Variants in GGA3 observed in about 807,000 individuals in gnomAD.
GGA3 encodes the protein ADP-ribosylation factor-binding protein GGA3.
In GGA3, 57 loss-of-function variants were observed where a neutral mutation model predicts 77.5. The observed-to-expected ratio is 0.74, with a 90% CI of 0.59 to 0.92. GGA3 has a LOEUF of 0.92. Among genes scored for constraint, GGA3 ranks in the 40% least tolerant of loss-of-function variants. GGA3 has a pLI of 0.00. For missense variants in GGA3, 970 were observed against 914.9 expected (o/e 1.06, Z -0.78); for synonymous variants, 416 against 383.7 (o/e 1.08, Z -0.98).
chr17:75,241,379 T>C (rs780119677), intron 10 of GGA3, 21 bp downstream of exon 10: 1 of 1,475,308 alleles, frequency 6.8e-7, no homozygotes, highest in South Asian at 1.1e-5. Flanking sequence ...GAGCCTAGAG[T>C]TGGGGACCAG....
chr17:75,239,200 G>A (rs1202411707), intron 14 of GGA3, 117 bp from the exon 15 acceptor site: 4 of 1,051,580 alleles, frequency 3.8e-6, no homozygotes, highest in Non-Finnish European at 5.5e-6. Flanking sequence ...CTTCCTAACG[G>A]AATCTGGGAG....
At chr17:75,242,028 C>A in intron 8 of GGA3, 1 of 542,912 alleles carries the variant, frequency 1.8e-6, no homozygotes, top group East Asian at 3.2e-5. Context: ...GGAAGCCTCT[C>A]TGTCTTGATG....
intron 4 of GGA3, 35 bp downstream of exon 4, chr17:75,244,584 A>C: frequency 2.4e-6 from 3 of 1,257,008 alleles, no homozygotes; most frequent in Non-Finnish European, 3.5e-6. Context: ...ACACAAAAGA[A>C]GTCCCTAAAA....
In GGA3 at chr17:75,240,566, G is replaced by A. The variant is rs184675878; in HGVS notation, c.1193-154C>T. The A allele has an allele frequency of 1.4e-5, 9 of 665,478 alleles. No homozygotes were observed. The East Asian group carries it at 2.2e-4, about 16-fold the overall frequency. 41.2% of individuals were successfully genotyped at this position (665,478 alleles called of 1,614,324 possible). On this transcript the variant is annotated intron_variant, in intron 11 of 16. Coordinates refer to ENST00000537686, the MANE Select transcript of GGA3 (RefSeq NM_138619.4). The stretch of plus-strand genomic sequence containing the variant: ...CAGGCAGCCTCCAGAGGGGAATGGA[G>A]CGCTCCAGTCCATGATGCAGAAGCG...
chr17:75,255,724 A>T (rs2077128250), intron 1 of GGA3, among the ~76,000 whole-genome samples: 1 of 152,220 alleles, frequency 6.6e-6, no homozygotes, highest in African/African-American at 2.4e-5. Context: ...TGCCTTATCA[A>T]CCAAATTGTT....
At chr17:75,244,349 C>A in intron 4 of GGA3, 1 of 370,502 alleles carries the variant, frequency 2.7e-6, no homozygotes. Flanking sequence ...GCCTAGAGTC[C>A]CACACTACAT....
rs774251668 is a variant in GGA3 at position 75,243,584 on chromosome 17, G to A, written c.301-14C>T. The A allele has an allele frequency of 1.2e-6, 2 of 1,613,352 alleles. No homozygotes were observed. The highest frequency in any genetic ancestry group is 1.7e-6 in the Non-Finnish European group (2 of 1,179,788). On this transcript the variant is annotated splice_polypyrimidine_tract_variant and intron_variant, in intron 4 of 16. Coordinates refer to ENST00000537686, the MANE Select transcript of GGA3 (RefSeq NM_138619.4). ...GTCCCCCAGGTACTACATGGCAAAAGAAAATGAGGACCTAGTAAGTGCAGT... is the reference window on the plus strand; with the variant it reads ...GTCCCCCAGGTACTACATGGCAAAAAAAAATGAGGACCTAGTAAGTGCAGT...
Position 75,240,785 on chromosome 17 carries a change from GC to G in GGA3, c.1192+26del, listed in dbSNP as rs561308508. 7.4e-5 allele frequency: 118 copies of G among 1,584,826 alleles called. 1 individual carries two copies. In the African/African-American group the frequency reaches 1.5e-3, roughly 20 times the overall value. On this transcript the variant is annotated intron_variant, in intron 11 of 16. Transcript: ENST00000537686. ...TCCTCCCAGAGCCCTGTCAGGGGAT[GC>G]CCCTGACGCCCCCTGTGGGCCGCAC... is the stretch of plus-strand genomic sequence containing the variant.
intron 1 of GGA3, among the ~76,000 whole-genome samples, chr17:75,257,287 C>G (rs558463599): frequency 2.7e-5 from 2 of 73,590 alleles, no homozygotes; most frequent in African/African-American, 5.6e-5. Context: ...TGCCCCCCCC[C>G]CCAAAAAAAA....
rs758814732 is a variant in GGA3 at position 75,239,550 on chromosome 17, G to A, written c.1605C>T (p.Pro535=). The change falls in exon 14 of 17, where the codon CCC becomes CCT. Residue 535 remains proline, a synonymous_variant. Transcript: ENST00000537686. ...EAKVTSGLVK[P]TTSPLIPTTT... ...TGGTGGGGATGAGAGGGGAGGTAGT[G>A]GGTTTCACCAAGCCCGAGGTCCTGG... is the stretch of plus-strand genomic sequence containing the variant. The A allele has an allele frequency of 1.2e-5, 19 of 1,560,192 alleles. No individual in the cohort carries two copies. The highest frequency in any genetic ancestry group is 1.6e-5 in the Non-Finnish European group (18 of 1,152,590).
At chr17:75,243,914 AG>A (rs2076662960) in intron 4 of GGA3, among the ~76,000 whole-genome samples, 1 of 152,108 alleles carries the variant, frequency 6.6e-6, no homozygotes, top group Non-Finnish European at 1.5e-5. Context: ...TAACTTGCCC[AG>A]GGTGTAAGGG....
At chr17:75,261,423 C>A in intron 1 of GGA3, 125 bp downstream of exon 1, 1 of 682,074 alleles carries the variant, frequency 1.5e-6, no homozygotes, top group South Asian at 4.0e-5. Context: ...CTGCTCGCGG[C>A]GAGGGCGAGA....
chr17:75,249,162 C>T (rs1449348797), intron 1 of GGA3, among the ~76,000 whole-genome samples: 2 of 150,968 alleles, frequency 1.3e-5, no homozygotes, highest in East Asian at 3.9e-4. Context: ...TCTCCTGCCT[C>T]AGCCTCCCGA....
chr17:75,261,439 C>A (rs1175407436), intron 1 of GGA3, 109 bp downstream of exon 1: 10 of 826,910 alleles, frequency 1.2e-5, no homozygotes, highest in South Asian at 1.2e-4. Flanking sequence ...CGAGACCGGG[C>A]GTGGGCTGCC....
chr17:75,242,523 T>C lies in GGA3; in HGVS notation c.610-50A>G, dbSNP rs200435841. 59 of 1,609,014 alleles carry C rather than the reference T, an allele frequency of 3.7e-5. No homozygotes were observed. In the East Asian group the frequency reaches 5.6e-4, roughly 15 times the overall value. ...GAAAGAGAGCGTCACTTGACTGTCT[T>C]TCCACTTCCACCAGGTCACACCTTA... On this transcript the variant is annotated intron_variant, in intron 7 of 16. Coordinates refer to ENST00000537686, the MANE Select transcript of GGA3 (RefSeq NM_138619.4).
At chr17:75,258,319 A>C (rs1159171143) in intron 1 of GGA3, among the ~76,000 whole-genome samples, 1 of 152,182 alleles carries the variant, frequency 6.6e-6, no homozygotes, top group Non-Finnish European at 1.5e-5. Context: ...ACACCAAAAC[A>C]CCGATTTCAC....
chr17:75,241,543 C>A (rs957188551), intron 9 of GGA3, 27 bp from the exon 10 acceptor site: 8 of 1,597,628 alleles, frequency 5.0e-6, no homozygotes, highest in Non-Finnish European at 6.9e-6. Flanking sequence ...AGACTTCTCA[C>A]TCCTGTTGTG....
At chr17:75,260,582 T>C (rs1056539435) in intron 1 of GGA3, among the ~76,000 whole-genome samples, 4 of 152,122 alleles carry the variant, frequency 2.6e-5, no homozygotes, top group South Asian at 2.1e-4. Context: ...TTTGAGGAAA[T>C]AGCTATCACC....
chr17:75,241,870 A>G (rs527727069), intron 8 of GGA3, 174 bp from the exon 9 acceptor site: 11 of 647,250 alleles, frequency 1.7e-5, no homozygotes, highest in Admixed American at 1.2e-4. Flanking sequence ...CCACCACACC[A>G]CATCACCCAG....
Sources: allele counts gnomAD v4.1 joint callset (sites outside exome capture counted in the v4.1 genomes callset), GRCh38; gene constraint gnomAD v4.1.1; transcripts MANE v1.5; gene names NCBI Gene and HGNC (gene_info 2026-07-23, HGNC 2026-07-21).